CSPG5: variants seen among roughly 807,000 people sequenced by gnomAD.
CSPG5 encodes the protein chondroitin sulfate proteoglycan 5.
CSPG5 carries 25 observed loss-of-function variants against 39.8 expected under a neutral mutation model. The observed-to-expected ratio is 0.63, with a 90% confidence interval of 0.46 to 0.88. The LOEUF is 0.88. Ranked by LOEUF, CSPG5 falls within the 40% of genes least tolerant of loss-of-function variation. The pLI is 0.00. For missense variants in CSPG5, 627 were observed against 702.2 expected (o/e 0.89, Z 1.21); for synonymous variants, 295 against 303.9 (o/e 0.97, Z 0.31).
intron 2 of CSPG5, among the ~76,000 whole-genome samples, chr3:47,575,641 T>G (rs1319374992): frequency 6.6e-6 from 1 of 152,184 alleles, no homozygotes; most frequent in Non-Finnish European, 1.5e-5. Context: ...CCCGCACATC[T>G]GCAATGCGAA....
rs1342745320 is a variant in CSPG5 at position 47,578,539 on chromosome 3, A to T, written c.97+58T>A. On this transcript the variant is annotated intron_variant, in intron 1 of 4. Coordinates refer to ENST00000264723, the MANE Select transcript of CSPG5 (RefSeq NM_006574.4). This position sits in a 1 kb window ranked among gnomAD's most constrained non-coding sequence, Gnocchi z 6.0. Reference sequence around the variant, plus strand: ...TCCACCTGTCCCCGCCGCCAGCGGGACCCCTGCCCTGGGTGGGGCACGAGG... The same window carrying T: ...TCCACCTGTCCCCGCCGCCAGCGGGTCCCCTGCCCTGGGTGGGGCACGAGG... The T allele has an allele frequency of 1.8e-6, 1 of 546,212 alleles. No individual in the cohort carries two copies. 33.8% of individuals were successfully genotyped at this position (546,212 alleles called of 1,614,324 possible).
At chr3:47,569,750 C>CTTTT (rs145182794) in intron 3 of CSPG5, among the ~76,000 whole-genome samples, 1 of 134,814 alleles carries the variant, frequency 7.4e-6, no homozygotes, top group Non-Finnish European at 1.6e-5. Context: ...CTATTCTTTT[C>CTTTT]TTTTTTTTTT....
At position 47,578,074 on chromosome 3, in the gene CSPG5, C is replaced by G; in HGVS notation, c.98-146G>C. ...CAGACCCCACCGCCCCAGTGTGACCCCAGCCACCCGGTACCTCTAAGCCCC... is the reference window on the plus strand; with the variant it reads ...CAGACCCCACCGCCCCAGTGTGACCGCAGCCACCCGGTACCTCTAAGCCCC... On this transcript the variant is annotated intron_variant, in intron 1 of 4. Coordinates refer to ENST00000264723, the MANE Select transcript of CSPG5 (RefSeq NM_006574.4). This position sits in a 1 kb window ranked among gnomAD's most constrained non-coding sequence, Gnocchi z 6.0. 1 of 1,216,934 alleles carries G rather than the reference C, an allele frequency of 8.2e-7. No homozygotes were observed. Among genetic ancestry groups the G allele is most frequent in the Non-Finnish European group, 1.0e-6 (1 of 956,974 alleles). The allele number at this position is 1,216,934 out of a possible 1,614,324, so 75.4% of individuals were successfully genotyped here.
At position 47,562,770 on chromosome 3, in the gene CSPG5, G is replaced by A; in HGVS notation, c.1459-9C>T. On this transcript the variant is annotated splice_polypyrimidine_tract_variant and intron_variant, in intron 4 of 4. Coordinates refer to ENST00000264723, the MANE Select transcript of CSPG5 (RefSeq NM_006574.4). ...GGAGCACTAGGATCATCCTGGAAGAGGGAAAAAGTTGGGGGGGGGGAGACA... is the reference window on the plus strand; with the variant it reads ...GGAGCACTAGGATCATCCTGGAAGAAGGAAAAAGTTGGGGGGGGGGAGACA... The A allele has an allele frequency of 2.5e-6, 4 of 1,596,284 alleles. No homozygotes were observed. Among genetic ancestry groups the A allele is most frequent in the Non-Finnish European group, 8.5e-7 (1 of 1,170,114 alleles).
intron 3 of CSPG5, among the ~76,000 whole-genome samples, chr3:47,571,536 T>C (rs1222211585): frequency 1.3e-5 from 2 of 152,218 alleles, no homozygotes; most frequent in Non-Finnish European, 2.9e-5. Flanking sequence ...AGTGATCACG[T>C]GTGTAGATGC....
At chr3:47,566,327 G>A (rs1331429765) in intron 4 of CSPG5, among the ~76,000 whole-genome samples, 1 of 152,158 alleles carries the variant, frequency 6.6e-6, no homozygotes, top group South Asian at 2.1e-4. Flanking sequence ...GCGCCCCCTT[G>A]TCTCTCCTCC....
intron 4 of CSPG5, among the ~76,000 whole-genome samples, chr3:47,567,780 G>A (rs1249053218): frequency 6.6e-6 from 1 of 152,192 alleles, no homozygotes; most frequent in African/African-American, 2.4e-5. Context: ...GGGAGGCTGC[G>A]GCAGGAAGAT....
chr3:47,562,887 G>A (rs2031142229), intron 4 of CSPG5, 126 bp from the exon 5 acceptor site: 8 of 991,520 alleles, frequency 8.1e-6, no homozygotes, highest in Admixed American at 3.2e-5. Flanking sequence ...AGACTTGAAT[G>A]AACTAAAAGG....
At position 47,572,593 on chromosome 3, in the gene CSPG5, G is replaced by T; in HGVS notation, c.1382+93C>A. 1 of 1,130,182 alleles carries T rather than the reference G, an allele frequency of 8.8e-7. No homozygotes were observed. Among genetic ancestry groups the T allele is most frequent in the South Asian group, 1.4e-5 (1 of 70,112 alleles). 70.0% of individuals were successfully genotyped at this position (1,130,182 alleles called of 1,614,324 possible). On this transcript the variant is annotated intron_variant, in intron 3 of 4. Coordinates refer to ENST00000264723, the MANE Select transcript of CSPG5 (RefSeq NM_006574.4). The surrounding 1 kb of genome is among the most constrained non-coding windows in gnomAD (Gnocchi z 4.5). Reference sequence around the variant, plus strand: ...GAGCACAGGTGCCAGAAACCCTCACGACAAAGTCCCTGGATCAGTTGGAGG... The same window carrying T: ...GAGCACAGGTGCCAGAAACCCTCACTACAAAGTCCCTGGATCAGTTGGAGG...
Position 47,572,820 on chromosome 3 carries a change from G to C in CSPG5, c.1248C>G (p.Ile416Met). 6.2e-7 allele frequency: 1 copy of C among 1,614,102 alleles called. No individual in the cohort carries two copies. The highest frequency in any genetic ancestry group is 1.3e-5 in the African/African-American group (1 of 75,042). Residue 416 changes from isoleucine (I) to methionine (M), a missense_variant, in exon 3 of 5, where the codon ATC becomes ATG. Ile to Met is a conservative substitution (Grantham distance 10). Transcript: ENST00000264723. The surrounding 1 kb of genome is among the most constrained non-coding windows in gnomAD (Gnocchi z 4.5). ...CCACGCACATCACCTGGAAGTCGGTGATGATGGACTCGCAGCGCATCCCCT... is the reference window on the plus strand; with the variant it reads ...CCACGCACATCACCTGGAAGTCGGTCATGATGGACTCGCAGCGCATCCCCT... ...WHKGMRCESI[I>M]TDFQVMCVAV... is the part of the protein sequence containing the mutation.
intron 4 of CSPG5, among the ~76,000 whole-genome samples, chr3:47,562,995 T>C (rs1368098610): frequency 6.6e-6 from 1 of 152,140 alleles, no homozygotes; most frequent in Non-Finnish European, 1.5e-5. Context: ...AGTTTACAAA[T>C]AACTTTAATT....
In CSPG5 at chr3:47,577,868, T is replaced by C; in HGVS notation, c.158A>G (p.Glu53Gly). ...EELVKGSPAWEPPANDTREEA... is the reference protein window; with the variant it reads ...EELVKGSPAWGPPANDTREEA... ...TTCCCGCGTGTCGTTGGCAGGCGGC[T>C]CCCACGCCGGGCTGCCCTTCACCAG... The change falls in exon 2 of 5, where the codon GAG (glutamate) becomes GGG (glycine). Residue 53 changes from glutamate (E) to glycine (G), a missense_variant. Physicochemically the swap from Glu to Gly is moderately conservative, Grantham distance 98 (BLOSUM62 -2). Transcript: ENST00000264723. The surrounding 1 kb of genome is among the most constrained non-coding windows in gnomAD (Gnocchi z 4.7). 6.6e-7 allele frequency: 1 copy of C among 1,526,384 alleles called. No homozygotes were observed. Among genetic ancestry groups the C allele is most frequent in the Non-Finnish European group, 8.7e-7 (1 of 1,148,714 alleles). The allele number at this position is 1,526,384 out of a possible 1,614,324, so 94.6% of individuals were successfully genotyped here.
chr3:47,568,062 C>T (rs60322343), intron 4 of CSPG5, among the ~76,000 whole-genome samples: 1 of 151,944 alleles, frequency 6.6e-6, no homozygotes, highest in Non-Finnish European at 1.5e-5. Context: ...TCCACTGGAC[C>T]GTATTGGTCT....
chr3:47,562,784 G>A (rs773894819), intron 4 of CSPG5, 23 bp from the exon 5 acceptor site: 10 of 1,584,512 alleles, frequency 6.3e-6, no homozygotes, highest in Admixed American at 3.4e-5. Flanking sequence ...AAAAGTTGGG[G>A]GGGGGGAGAC....
rs2031428603 is a variant in CSPG5, at chr3:47,569,134, G to GT, written c.1458+17dup. 8 of 1,606,924 alleles carry GT rather than the reference G, an allele frequency of 5.0e-6. No homozygotes were observed. The highest frequency in any genetic ancestry group is 6.8e-6 in the Non-Finnish European group (8 of 1,177,080). On this transcript the variant is annotated intron_variant, in intron 4 of 4. Transcript: ENST00000264723. ...CATGGGGGGAGGAGGTACGGGGAGT[G>GT]TTGCAAAGTTTCCTTACATTTGGGT...
chr3:47,580,044 TG>T (rs2031929484), upstream of CSPG5: 1 of 152,366 alleles, frequency 6.6e-6, no homozygotes, highest in East Asian at 1.9e-4. Flanking sequence ...GGAGTTGCCT[TG>T]GTTCAAAACC....
rs144390955 is a variant in CSPG5 at position 47,562,780 on chromosome 3, TGG to T, written c.1459-21_1459-20del. The T allele has an allele frequency of 5.1e-5, 59 of 1,155,098 alleles. No individual in the cohort carries two copies. Among genetic ancestry groups the T allele is most frequent in the Non-Finnish European group, 6.5e-5 (54 of 825,508 alleles). 71.6% of individuals were successfully genotyped at this position (1,155,098 alleles called of 1,614,324 possible). ...GATCATCCTGGAAGAGGGAAAAAGTTGGGGGGGGGGAGACAATGCATACAGCA... is the reference window on the plus strand; with the variant it reads ...GATCATCCTGGAAGAGGGAAAAAGTTGGGGGGGGAGACAATGCATACAGCA... On this transcript the variant is annotated intron_variant, in intron 4 of 4. Coordinates refer to ENST00000264723, the MANE Select transcript of CSPG5 (RefSeq NM_006574.4).
rs1026173380 is a variant in CSPG5 at position 47,562,463 on chromosome 3, T to A, written c.*137A>T. ...TTTTTTGCCTCCTGTACAAAATACA[T>A]AAAAGCATGCCATGAGATCAGAAAA... On this transcript the variant is annotated 3_prime_UTR_variant, in exon 5 of 5. Transcript: ENST00000264723. 2 of 911,456 alleles carry A rather than the reference T, an allele frequency of 2.2e-6. No homozygotes were observed. Among genetic ancestry groups the A allele is most frequent in the Non-Finnish European group, 3.3e-6 (2 of 607,766 alleles). 56.5% of individuals were successfully genotyped at this position (911,456 alleles called of 1,614,324 possible). A position where few individuals can be genotyped will look rare whatever the true frequency, so the allele number is the denominator to read the frequency against.
intron 2 of CSPG5, 126 bp downstream of exon 2, chr3:47,576,707 G>A (rs1184120006): frequency 1.1e-4 from 114 of 1,082,216 alleles, no homozygotes; most frequent in Middle Eastern, 2.3e-4. Context: ...AGATCCGCCT[G>A]CCTCAGCCTC....
Sources: gnomAD v4.1 joint callset for allele counts (sites outside exome capture counted in the v4.1 genomes callset) on GRCh38, gnomAD v4.1.1 for gene constraint, Gnocchi (gnomAD v3.1) non-coding constraint, MANE v1.5 for transcripts, NCBI Gene and HGNC (gene_info 2026-07-23, HGNC 2026-07-21) for gene names.